The following CSNK1A1 variants were observed in gnomAD, a reference collection of about 807,000 sequenced individuals.
The protein encoded by CSNK1A1 is casein kinase 1 alpha 1.
In CSNK1A1, 7 loss-of-function variants were observed where a neutral mutation model predicts 46.1. The ratio of observed to expected loss-of-function variants is 0.15; its 90% confidence interval spans 0.09 to 0.29. CSNK1A1 has a LOEUF of 0.29. Ranked by LOEUF, CSNK1A1 falls within the 10% of genes least tolerant of loss-of-function variation. The pLI, the probability that CSNK1A1 is intolerant of heterozygous loss-of-function variation, is 1.00. For synonymous variants in CSNK1A1, 137 were observed against 141.5 expected (o/e 0.97, Z 0.23); for missense variants, 96 against 417.1 (o/e 0.23, Z 6.71).
chr5:149,500,035 C>A (rs1384204223), intron 9 of CSNK1A1, among the ~76,000 whole-genome samples: 2 of 134,218 alleles, frequency 1.5e-5, no homozygotes, highest in African/African-American at 5.8e-5. Flanking sequence ...ATGGCGCGAT[C>A]TCCGCCCACT....
intron 4 of CSNK1A1, among the ~76,000 whole-genome samples, 194 bp from the exon 5 acceptor site, chr5:149,513,403 T>TA (rs3832344): frequency 3.8e-4 from 55 of 146,196 alleles, no homozygotes; most frequent in Non-Finnish European, 4.7e-4. Context: ...TAAATCAAGT[T>TA]AAAAAAAAAA....
At position 149,525,033 on chromosome 5, in the gene CSNK1A1, A is replaced by G; in HGVS notation, c.357+12T>C. 6.2e-7 allele frequency: 1 copy of G among 1,602,322 alleles called. No homozygotes were observed. Among genetic ancestry groups the G allele is most frequent in the Non-Finnish European group, 8.5e-7 (1 of 1,175,470 alleles). ...TAGTCTCAGTTTATATTCTAATCAA[A>G]ATTTCACATACCTGGTCAGCTAACA... On this transcript the variant is annotated intron_variant, in intron 3 of 9. Coordinates refer to ENST00000377843, the MANE Select transcript of CSNK1A1 (RefSeq NM_001892.6). The surrounding 1 kb of genome is among the most constrained non-coding windows in gnomAD (Gnocchi z 4.2).
chr5:149,495,960 T>C lies in CSNK1A1; in HGVS notation c.*893A>G, dbSNP rs895417065. 1 of 152,586 alleles carries C rather than the reference T, an allele frequency of 6.6e-6. No homozygotes were observed. The highest frequency in any genetic ancestry group is 1.5e-5 in the Non-Finnish European group (1 of 68,038). The allele number at this position is 152,586 out of a possible 1,614,324, so 9.5% of individuals were successfully genotyped here. A position where few individuals can be genotyped will look rare whatever the true frequency, so the allele number is the denominator to read the frequency against. On this transcript the variant is annotated 3_prime_UTR_variant, in exon 10 of 10. Transcript: ENST00000377843. ...TAGTGAGTCAGCAAGGCATTTTTTGTTGTTTAAAAAAAATCTCATTTCCTT... is the reference window on the plus strand; with the variant it reads ...TAGTGAGTCAGCAAGGCATTTTTTGCTGTTTAAAAAAAATCTCATTTCCTT...
chr5:149,530,577 T>A (rs1362477913), intron 2 of CSNK1A1, among the ~76,000 whole-genome samples: 1 of 152,192 alleles, frequency 6.6e-6, no homozygotes, highest in Non-Finnish European at 1.5e-5. Flanking sequence ...TTATGCTCCT[T>A]TTTAATGGGA....
chr5:149,510,209 G>T (rs549836817), intron 6 of CSNK1A1, among the ~76,000 whole-genome samples: 110 of 152,298 alleles, frequency 7.2e-4, no homozygotes, highest in African/African-American at 2.4e-3. Flanking sequence ...ATGGATATTA[G>T]ATTTAAGTAA....
chr5:149,538,250 G>A (rs1016626981), intron 2 of CSNK1A1, among the ~76,000 whole-genome samples: 1 of 151,826 alleles, frequency 6.6e-6, no homozygotes, highest in Non-Finnish European at 1.5e-5. Flanking sequence ...TCGAACTCCC[G>A]ACCTCAGGTG....
At chr5:149,506,718 G>C (rs1028416159) in intron 8 of CSNK1A1, among the ~76,000 whole-genome samples, 2 of 152,096 alleles carry the variant, frequency 1.3e-5, no homozygotes, top group Non-Finnish European at 2.9e-5. Context: ...ATTTGGTACT[G>C]TACAAAGTTG....
At chr5:149,511,002 AG>A (rs1440865132) in intron 6 of CSNK1A1, among the ~76,000 whole-genome samples, 4 of 152,298 alleles carry the variant, frequency 2.6e-5, no homozygotes, top group Non-Finnish European at 1.5e-5. Flanking sequence ...ATTCCTTCAA[AG>A]AACTGGTAAG....
intron 3 of CSNK1A1, among the ~76,000 whole-genome samples, chr5:149,524,640 C>A (rs1761674192): frequency 6.6e-6 from 1 of 152,072 alleles, no homozygotes; most frequent in South Asian, 2.1e-4. Context: ...CCTTTTTATC[C>A]TCAAAAATAT....
intron 6 of CSNK1A1, among the ~76,000 whole-genome samples, chr5:149,511,497 G>A (rs1720850918): frequency 6.6e-6 from 1 of 152,136 alleles, no homozygotes; most frequent in South Asian, 2.1e-4. Context: ...ACATCAAAAT[G>A]AGAAAGTCTC....
chr5:149,508,079 G>A (rs1236190238), intron 7 of CSNK1A1, among the ~76,000 whole-genome samples: 1 of 152,170 alleles, frequency 6.6e-6, no homozygotes, highest in Non-Finnish European at 1.5e-5. Flanking sequence ...TGCCAATGTG[G>A]AGAGTGGTAA....
chr5:149,512,514 T>C (rs1255579299), intron 5 of CSNK1A1, among the ~76,000 whole-genome samples: 1 of 152,060 alleles, frequency 6.6e-6, no homozygotes, highest in Non-Finnish European at 1.5e-5. Context: ...AAAGTGACTG[T>C]AAAAGATGAA....
At chr5:149,513,313 A>G in intron 4 of CSNK1A1, 104 bp from the exon 5 acceptor site, 1 of 1,089,180 alleles carries the variant, frequency 9.2e-7, no homozygotes, top group Non-Finnish European at 1.3e-6. Flanking sequence ...ATATATCAAA[A>G]TAAAGTATCC....
At chr5:149,497,700 C>A in intron 9 of CSNK1A1, 1 of 985,548 alleles carries the variant, frequency 1.0e-6, no homozygotes, top group South Asian at 4.7e-5. Flanking sequence ...CACTCTGAGG[C>A]ACCAATGCTC....
In CSNK1A1 at chr5:149,493,593, C is replaced by A. The variant is rs2113023074; in HGVS notation, c.*3260G>T. Reference sequence around the variant, plus strand: ...AGATCAATTTACACTTGGTTCATCGCCATCTTTGGCTGTTTCAAACATACA... The same window carrying A: ...AGATCAATTTACACTTGGTTCATCGACATCTTTGGCTGTTTCAAACATACA... On this transcript the variant is annotated 3_prime_UTR_variant, in exon 10 of 10. Coordinates refer to ENST00000377843, the MANE Select transcript of CSNK1A1 (RefSeq NM_001892.6). 1 of 151,614 alleles carries A rather than the reference C, an allele frequency of 6.6e-6. No homozygotes were observed. The highest frequency in any genetic ancestry group is 1.5e-5 in the Non-Finnish European group (1 of 67,942). 9.4% of individuals were successfully genotyped at this position (151,614 alleles called of 1,614,324 possible). A position where few individuals can be genotyped will look rare whatever the true frequency, so the allele number is the denominator to read the frequency against.
chr5:149,507,740 T>C (rs550392806), intron 7 of CSNK1A1, among the ~76,000 whole-genome samples: 1 of 152,302 alleles, frequency 6.6e-6, no homozygotes, highest in East Asian at 1.9e-4. Context: ...CCCACAGTGC[T>C]GGGATTACAG....
intron 2 of CSNK1A1, among the ~76,000 whole-genome samples, chr5:149,531,450 C>T (rs1033853059): frequency 3.3e-5 from 5 of 150,906 alleles, no homozygotes; most frequent in East Asian, 2.0e-4. Flanking sequence ...CCCGGGAGGC[C>T]GAGGTTGCAG....
At chr5:149,505,355 C>A in intron 9 of CSNK1A1, 92 bp downstream of exon 9, 1 of 1,474,340 alleles carries the variant, frequency 6.8e-7, no homozygotes, top group South Asian at 1.5e-5. Context: ...TATTTTAAAA[C>A]CACCTCCTTG....
chr5:149,520,392 G>T lies in CSNK1A1; in HGVS notation c.358-4C>A. 1 of 1,512,750 alleles carries T rather than the reference G, an allele frequency of 6.6e-7. No individual in the cohort carries two copies. The highest frequency in any genetic ancestry group is 9.1e-7 in the Non-Finnish European group (1 of 1,098,792). The allele number at this position is 1,512,750 out of a possible 1,614,324, so 93.7% of individuals were successfully genotyped here. On this transcript the variant is annotated splice_polypyrimidine_tract_variant and splice_region_variant and intron_variant, in intron 3 of 9. Transcript: ENST00000377843. ...CATATTCAATTCTACTGATCATCTG[G>T]AAAAAAAAGAAGGGAGAGATAATTG... is the stretch of plus-strand genomic sequence containing the variant.
Sources: allele counts gnomAD v4.1 joint callset (sites outside exome capture counted in the v4.1 genomes callset), GRCh38; gene constraint gnomAD v4.1.1; non-coding constraint Gnocchi (gnomAD v3.1); transcripts MANE v1.5; gene names NCBI Gene and HGNC (gene_info 2026-07-23, HGNC 2026-07-21).